Variants in MGAT4C observed in about 807,000 individuals in gnomAD.
MGAT4C encodes the protein alpha-1,3-mannosyl-glycoprotein 4-beta-N-acetylglucosaminyltransferase C.
Under a neutral mutation model 40.1 loss-of-function variants are expected in MGAT4C, and 19 were observed. The ratio of observed to expected loss-of-function variants is 0.47; its 90% CI spans 0.33 to 0.70. The LOEUF is 0.70. Ranked by LOEUF, MGAT4C falls within the 30% of genes least tolerant of loss-of-function variation. The pLI is 0.02. For synonymous variants in MGAT4C, 181 were observed against 187.1 expected, an observed-to-expected ratio of 0.97 and a Z score of 0.27; for missense variants, 491 against 563.2, an observed-to-expected ratio of 0.87 and a Z score of 1.30.
chr12:86,578,273 C>T (rs1197077107), intron 2 of MGAT4C, among the ~76,000 whole-genome samples: 2 of 151,830 alleles, frequency 1.3e-5, no homozygotes, highest in Non-Finnish European at 2.9e-5. Flanking sequence ...CTCAGAAGGA[C>T]ATGTGGTGAC....
intron 4 of MGAT4C, among the ~76,000 whole-genome samples, chr12:86,321,083 T>A (rs867707964): frequency 1.3e-5 from 2 of 152,244 alleles, no homozygotes; most frequent in Middle Eastern, 3.5e-3. Context: ...CTTAAAACCA[T>A]TTTTATACAT....
At chr12:86,083,756 T>C (rs1871262960) in intron 1 of MGAT4C, among the ~76,000 whole-genome samples, 1 of 152,130 alleles carries the variant, frequency 6.6e-6, no homozygotes, top group South Asian at 2.1e-4. Context: ...TCTCATTATC[T>C]GATTATTAGC....
At chr12:86,486,593 C>G (rs1958024060) in intron 2 of MGAT4C, among the ~76,000 whole-genome samples, 1 of 152,110 alleles carries the variant, frequency 6.6e-6, no homozygotes, top group Non-Finnish European at 1.5e-5. Context: ...TCTTCTTGAC[C>G]TATGAAAAGT....
chr12:86,583,712 G>A (rs891446320), intron 2 of MGAT4C, among the ~76,000 whole-genome samples: 1 of 150,930 alleles, frequency 6.6e-6, no homozygotes, highest in Non-Finnish European at 1.5e-5. Context: ...TACATAATGA[G>A]TTCAATAATC....
chr12:86,103,855 T>C (rs1335464043), intron 1 of MGAT4C, among the ~76,000 whole-genome samples: 3 of 152,176 alleles, frequency 2.0e-5, no homozygotes, highest in African/African-American at 7.2e-5. Context: ...TTTCATTTAT[T>C]GTTGCATCTC....
intron 2 of MGAT4C, among the ~76,000 whole-genome samples, chr12:86,448,343 G>A (rs1361088724): frequency 6.6e-6 from 1 of 152,104 alleles, no homozygotes; most frequent in African/African-American, 2.4e-5. Context: ...TTCAGAGTTA[G>A]TTTCCTGGAA....
At chr12:86,214,138 C>T (rs544852201) in intron 1 of MGAT4C, among the ~76,000 whole-genome samples, 54 of 152,178 alleles carry the variant, frequency 3.5e-4, no homozygotes, top group Non-Finnish European at 6.0e-4. Flanking sequence ...CTCTGCAATC[C>T]AAATGCTGTA....
intron 2 of MGAT4C, among the ~76,000 whole-genome samples, chr12:86,015,073 T>A (rs1592691679): frequency 6.6e-6 from 1 of 150,716 alleles, no homozygotes; most frequent in East Asian, 2.0e-4. Context: ...CTTCCTGAAG[T>A]GCTGGGATTA....
intron 2 of MGAT4C, among the ~76,000 whole-genome samples, chr12:86,475,654 T>C (rs1957823386): frequency 6.6e-6 from 1 of 152,018 alleles, no homozygotes; most frequent in South Asian, 2.1e-4. Context: ...AAAATATGTT[T>C]TCAAGGGTAT....
chr12:86,322,819 G>A (rs75705329), intron 4 of MGAT4C, among the ~76,000 whole-genome samples: 10 of 151,988 alleles, frequency 6.6e-5, no homozygotes, highest in Non-Finnish European at 1.3e-4. Context: ...ACTAGCATGA[G>A]ACAAGGTACT....
intron 2 of MGAT4C, among the ~76,000 whole-genome samples, chr12:86,513,787 A>G (rs2136351121): frequency 6.6e-6 from 1 of 152,276 alleles, no homozygotes; most frequent in Middle Eastern, 3.4e-3. Flanking sequence ...CTTAAGGAAG[A>G]CAATAACAGA....
Position 86,815,526 on chromosome 12 carries a change from C to A in MGAT4C, c.-262+23140G>T, listed in dbSNP as rs547261535. Among the ~76,000 whole-genome samples, 147 of 143,126 alleles carry A rather than the reference C, an allele frequency of 1.0e-3. 1 individual carries two copies. Among genetic ancestry groups the A allele is most frequent in the African/African-American group, 3.3e-3 (130 of 38,916 alleles). 93.9% of individuals were successfully genotyped at this position (143,126 alleles called of 152,430 possible). A position where few individuals can be genotyped will look rare whatever the true frequency, so the allele number is the denominator to read the frequency against. ...ACCCAGAAGAAAATAAGTCATTATT[C>A]AAAAAAAAAAATACATGTACACACA... is the stretch of plus-strand genomic sequence containing the variant. On this transcript the variant is annotated intron_variant, in intron 1 of 7. Coordinates refer to the MGAT4C transcript ENST00000548651.
chr12:86,218,601 G>A (rs955259078), intron 1 of MGAT4C, among the ~76,000 whole-genome samples: 47 of 152,090 alleles, frequency 3.1e-4, no homozygotes, highest in African/African-American at 8.7e-4. Context: ...TATGATATTC[G>A]TAGAAATCTT....
intron 1 of MGAT4C, among the ~76,000 whole-genome samples, chr12:86,764,014 G>A (rs142435550): frequency 1.2e-4 from 19 of 152,178 alleles, no homozygotes; most frequent in East Asian, 9.8e-4. Context: ...CAGTTGGTGC[G>A]GGGCAGTGGG....
chr12:86,767,941 C>T (rs1210311420), intron 1 of MGAT4C, among the ~76,000 whole-genome samples: 1 of 152,150 alleles, frequency 6.6e-6, no homozygotes, highest in Admixed American at 6.5e-5. Context: ...GAAGCATTCC[C>T]TTTGAAAACT....
Position 86,686,040 on chromosome 12 carries a change from ATT to A in MGAT4C, c.-229+41167_-229+41168del, listed in dbSNP as rs60459725. On this transcript the variant is annotated intron_variant, in intron 2 of 7. Coordinates refer to the MGAT4C transcript ENST00000548651. ...ACCATGCCTGGCTAATTTTATTTTA[ATT>A]TTTTTTTTTTGTATTTTTAGTAGAG... Among the ~76,000 whole-genome samples, 667 of 147,868 alleles carry A rather than the reference ATT, an allele frequency of 4.5e-3. 3 individuals are homozygous for A. The highest frequency in any genetic ancestry group is 0.015 in the African/African-American group (586 of 40,198).
chr12:85,962,391 A>AAATTATATAATTAATTATAT lies in MGAT4C; in HGVS notation c.*16878_*16897dup, dbSNP rs1025628016. The AAATTATATAATTAATTATAT allele has an allele frequency of 2.0e-5, 3 of 148,786 alleles. No homozygotes were observed. The highest frequency in any genetic ancestry group is 2.1e-4 in the South Asian group (1 of 4,778). 9.2% of individuals were successfully genotyped at this position (148,786 alleles called of 1,614,324 possible). A position where few individuals can be genotyped will look rare whatever the true frequency, so the allele number is the denominator to read the frequency against. ...GCAATTTACAACATCCAATGAAGTA[A>AAATTATATAATTAATTATAT]AATTATATAATTAATTATATAATTA... On this transcript the variant is annotated 3_prime_UTR_variant, in exon 5 of 5. Transcript: ENST00000611864.
chr12:86,299,218 T>G (rs948531715), intron 4 of MGAT4C, among the ~76,000 whole-genome samples: 5 of 152,108 alleles, frequency 3.3e-5, no homozygotes, highest in African/African-American at 1.2e-4. Context: ...TGGGGTTCAG[T>G]TCATTCTCCT....
In MGAT4C at chr12:86,455,190, T is replaced by A. The variant is rs527495472; in HGVS notation, c.-228-19925A>T. On this transcript the variant is annotated intron_variant, in intron 2 of 7. Transcript: ENST00000548651. ...TGAATGAAAAGAAATTAGTTTCTGT[T>A]CTATTCCAGTATCAAATAATTCAGC... 2.6e-5 allele frequency among the ~76,000 whole-genome samples: 4 copies of A among 152,290 alleles called. No individual in the cohort carries two copies. In the South Asian group the frequency reaches 8.3e-4, roughly 32 times the overall value.
Sources: gnomAD v4.1 joint callset for allele counts (sites outside exome capture counted in the v4.1 genomes callset) on GRCh38, gnomAD v4.1.1 for gene constraint, MANE v1.5 for transcripts, NCBI Gene and HGNC (gene_info 2026-07-23, HGNC 2026-07-21) for gene names.